The following PRELID2 variants were observed in gnomAD, a reference collection of about 807,000 sequenced individuals.
PRELID2 encodes PRELI domain-containing protein 2.
In PRELID2, 25 loss-of-function variants were observed where a neutral mutation model predicts 28.4. That is an observed-to-expected ratio of 0.88 (90% confidence interval 0.64 to 1.23). The LOEUF is 1.23. Ranked by LOEUF, PRELID2 falls within the 50% of genes most tolerant of loss-of-function variation. The pLI is 0.00. For missense variants in PRELID2, 201 were observed against 214.4 expected (o/e 0.94, Z 0.39); for synonymous variants, 76 against 71.6 (o/e 1.06, Z -0.31).
At chr5:145,420,507 G>A in the PRELID2 span, among the ~76,000 whole-genome samples, 1 of 144,312 alleles carries the variant, frequency 6.9e-6, no homozygotes, top group Non-Finnish European at 1.5e-5. Flanking sequence ...GGGAATGGGA[G>A]TTCACTCATG....
the PRELID2 span, among the ~76,000 whole-genome samples, chr5:145,303,754 A>G: frequency 6.6e-6 from 1 of 152,320 alleles, no homozygotes; most frequent in African/African-American, 2.4e-5. Flanking sequence ...CACCAAGTTG[A>G]AGGGACTACT....
chr5:145,370,045 C>T, the PRELID2 span, among the ~76,000 whole-genome samples: 16 of 151,906 alleles, frequency 1.1e-4, no homozygotes, highest in Admixed American at 9.8e-4. Context: ...AGATAGATTG[C>T]AAAAGTTTTC....
At chr5:145,550,523 A>C (rs1191243866) in intron 1 of PRELID2, among the ~76,000 whole-genome samples, 3 of 152,188 alleles carry the variant, frequency 2.0e-5, no homozygotes, top group African/African-American at 7.2e-5. Flanking sequence ...GCAGTGAGCT[A>C]TGATTGTGCC....
chr5:145,706,278 C>A lies in PRELID2; in HGVS notation n.70+58653G>T, dbSNP rs141348622. On this transcript the variant is annotated intron_variant and non_coding_transcript_variant, in intron 1 of 2. Coordinates refer to the PRELID2 transcript ENST00000510259. ...CCACAACTATGCCACTGGCACAAAG[C>A]AGGAATACTGTCTGTATCATCACAG... 2.3e-3 allele frequency among the ~76,000 whole-genome samples: 355 copies of A among 152,272 alleles called. 4 individuals are homozygous for A. Among genetic ancestry groups the A allele is most frequent in the African/African-American group, 8.0e-3 (333 of 41,544 alleles).
chr5:145,421,648 C>A, the PRELID2 span, among the ~76,000 whole-genome samples: 2 of 140,498 alleles, frequency 1.4e-5, 1 homozygote, highest in Admixed American at 1.5e-4. Context: ...GTCTTGCTAG[C>A]GGTCTATCAA....
chr5:145,712,035 C>T (rs556050303), intron 1 of PRELID2, among the ~76,000 whole-genome samples: 13 of 152,316 alleles, frequency 8.5e-5, no homozygotes, highest in African/African-American at 2.6e-4. Context: ...CCTGATGCTG[C>T]CCATAGATCA....
chr5:145,504,448 T>TA (rs1256031469), intron 1 of PRELID2, among the ~76,000 whole-genome samples: 2 of 152,180 alleles, frequency 1.3e-5, no homozygotes, highest in African/African-American at 4.8e-5. Context: ...TGAGAAGCGA[T>TA]ACACATAACA....
the PRELID2 span, among the ~76,000 whole-genome samples, chr5:145,300,030 T>C: frequency 1.3e-5 from 2 of 152,280 alleles, no homozygotes; most frequent in African/African-American, 2.4e-5. Context: ...ATATATTTGA[T>C]GTATTGTAAT....
the PRELID2 span, among the ~76,000 whole-genome samples, chr5:145,442,102 A>C: frequency 1.2e-4 from 18 of 152,218 alleles, no homozygotes; most frequent in Admixed American, 1.0e-3. Flanking sequence ...TTTAGCACCT[A>C]CTATATCCCA....
the PRELID2 span, among the ~76,000 whole-genome samples, chr5:145,258,579 T>C: frequency 6.6e-6 from 1 of 152,198 alleles, no homozygotes; most frequent in African/African-American, 2.4e-5. Flanking sequence ...TTAGGGTATC[T>C]GTAGAACAAA....
chr5:145,833,362 C>A (rs2149895651), intron 1 of PRELID2, among the ~76,000 whole-genome samples: 1 of 152,174 alleles, frequency 6.6e-6, no homozygotes, highest in Non-Finnish European at 1.5e-5. Flanking sequence ...TGATGACAAT[C>A]CAAAAAGACT....
At chr5:145,365,317 A>C in the PRELID2 span, among the ~76,000 whole-genome samples, 4 of 151,978 alleles carry the variant, frequency 2.6e-5, no homozygotes, top group Non-Finnish European at 5.9e-5. Context: ...TAGATTTATT[A>C]TTTAGCTTGA....
the PRELID2 span, among the ~76,000 whole-genome samples, chr5:145,319,706 A>AATAC: frequency 2.5e-4 from 37 of 145,664 alleles, no homozygotes; most frequent in Non-Finnish European, 3.4e-4. Context: ...TAAATAAATA[A>AATAC]ATAAATAAAT....
At chr5:145,555,261 C>T (rs1752871219) in intron 1 of PRELID2, among the ~76,000 whole-genome samples, 1 of 152,138 alleles carries the variant, frequency 6.6e-6, no homozygotes, top group Non-Finnish European at 1.5e-5. Flanking sequence ...CCTGAGGTCC[C>T]TTTTAGATCA....
intron 1 of PRELID2, among the ~76,000 whole-genome samples, chr5:145,667,166 A>C (rs945488515): frequency 6.6e-6 from 1 of 152,128 alleles, no homozygotes; most frequent in Non-Finnish European, 1.5e-5. Context: ...GAAAAGTCTA[A>C]GAAGATTGTA....
At chr5:145,776,585 T>C (rs1758425015) in intron 5 of PRELID2, among the ~76,000 whole-genome samples, 1 of 152,230 alleles carries the variant, frequency 6.6e-6, no homozygotes, top group African/African-American at 2.4e-5. Flanking sequence ...TAGAGTTCCA[T>C]ACTATCCACC....
chr5:145,655,471 G>A (rs553422868), intron 1 of PRELID2, among the ~76,000 whole-genome samples: 13 of 152,180 alleles, frequency 8.5e-5, no homozygotes, highest in South Asian at 4.1e-4. Flanking sequence ...AACAAAGCTG[G>A]AGGCATCATG....
At chr5:145,587,059 A>T (rs1753163336) in intron 1 of PRELID2, among the ~76,000 whole-genome samples, 1 of 152,124 alleles carries the variant, frequency 6.6e-6, no homozygotes, top group African/African-American at 2.4e-5. Context: ...CTGCTATCAG[A>T]CTAATGTTGT....
chr5:145,524,345 G>A (rs946897482), intron 1 of PRELID2, among the ~76,000 whole-genome samples: 5 of 152,178 alleles, frequency 3.3e-5, no homozygotes, highest in Admixed American at 2.0e-4. Flanking sequence ...ACAAGAATCC[G>A]TGCGTGGCCT....
Sources: gnomAD v4.1 joint callset for allele counts (sites outside exome capture counted in the v4.1 genomes callset) on GRCh38, gnomAD v4.1.1 for gene constraint, MANE v1.5 for transcripts, NCBI Gene and HGNC (gene_info 2026-07-23, HGNC 2026-07-21) for gene names.